FAT3: variants seen among roughly 807,000 people sequenced by gnomAD.
FAT3 encodes the protein FAT atypical cadherin 3.
Under a neutral mutation model 310.2 loss-of-function variants are expected in FAT3, and 95 were observed. That is an observed-to-expected ratio of 0.31 (90% confidence interval 0.26 to 0.36). FAT3 has a LOEUF of 0.36. Among genes scored for constraint, FAT3 ranks in the 10% least tolerant of loss-of-function variants. The probability of loss-of-function intolerance (pLI) is 1.00; values close to 1 mark genes in which losing one functional copy is unlikely to be tolerated. For missense variants in FAT3, 5,408 were observed against 5,715.6 expected (o/e 0.95, Z 1.74); for synonymous variants, 2,314 against 2,192.9 (o/e 1.06, Z -1.54).
intron 3 of FAT3, among the ~76,000 whole-genome samples, chr11:92,624,045 T>C (rs780015159): frequency 1.3e-5 from 2 of 152,172 alleles, no homozygotes; most frequent in African/African-American, 2.4e-5. Context: ...AATGGATACA[T>C]AGACAAACAA....
intron 1 of FAT3, among the ~76,000 whole-genome samples, chr11:92,228,291 T>C (rs893335362): frequency 1.3e-5 from 2 of 152,214 alleles, no homozygotes; most frequent in African/African-American, 4.8e-5. Context: ...TTATTTATTC[T>C]GGTCTCTGGC....
At chr11:92,662,075 TACCAG>T (rs1489394491) in intron 3 of FAT3, among the ~76,000 whole-genome samples, 1 of 152,208 alleles carries the variant, frequency 6.6e-6, no homozygotes, top group African/African-American at 2.4e-5. Flanking sequence ...GAGATTAACA[TACCAG>T]ACCAGACCAG....
chr11:92,285,933 G>T (rs939728428), intron 1 of FAT3, among the ~76,000 whole-genome samples: 1 of 152,044 alleles, frequency 6.6e-6, no homozygotes, highest in African/African-American at 2.4e-5. Context: ...AGGACGTGGG[G>T]TGTGGCCAGA....
intron 2 of FAT3, among the ~76,000 whole-genome samples, chr11:92,393,754 A>G (rs1180046433): frequency 6.6e-6 from 1 of 152,194 alleles, no homozygotes; most frequent in Admixed American, 6.5e-5. Context: ...CTCGTTAGTG[A>G]GAAGAATCAT....
chr11:92,894,039 C>T lies in FAT3; in HGVS notation c.*2926C>T, dbSNP rs1949971221. On this transcript the variant is annotated 3_prime_UTR_variant, in exon 28 of 28. Coordinates refer to ENST00000525166, the MANE Select transcript of FAT3 (RefSeq NM_001367949.2). ...TTCTTTTTACATCATATTGTTCACC[C>T]CTACACTGCCTTGAGCATGGGAGTC... 6.6e-6 allele frequency: 1 copy of T among 152,172 alleles called. No individual in the cohort carries two copies. Among genetic ancestry groups the T allele is most frequent in the Non-Finnish European group, 1.5e-5 (1 of 68,038 alleles). The allele number at this position is 152,172 out of a possible 1,614,324, so 9.4% of individuals were successfully genotyped here.
At chr11:92,707,991 G>C (rs1944408147) in intron 4 of FAT3, among the ~76,000 whole-genome samples, 1 of 152,216 alleles carries the variant, frequency 6.6e-6, no homozygotes, top group African/African-American at 2.4e-5. Flanking sequence ...CAAATGAGCT[G>C]TTGTTTCAAG....
At chr11:92,484,541 CT>C (rs1322065834) in intron 2 of FAT3, among the ~76,000 whole-genome samples, 12 of 152,114 alleles carry the variant, frequency 7.9e-5, no homozygotes, top group African/African-American at 2.9e-4. Flanking sequence ...GGAATATAGC[CT>C]TCATTAGGCC....
rs565093422 is a variant in FAT3, at chr11:92,241,919, A to T, written c.-18+16745A>T. ...TGGAGTTATTTTTACACACCTGTAG[A>T]TACAAAGCTGTCAAGACACTGAGTC... On this transcript the variant is annotated intron_variant, in intron 1 of 27. Coordinates refer to ENST00000525166, the MANE Select transcript of FAT3 (RefSeq NM_001367949.2). Among the ~76,000 whole-genome samples, 10 of 152,192 alleles carry T rather than the reference A, an allele frequency of 6.6e-5. No individual in the cohort carries two copies. The East Asian group carries it at 9.7e-4, about 15-fold the overall frequency.
chr11:92,626,627 A>G (rs1699296342), intron 3 of FAT3, among the ~76,000 whole-genome samples: 1 of 152,140 alleles, frequency 6.6e-6, no homozygotes, highest in African/African-American at 2.4e-5. Flanking sequence ...TCCAGAATGA[A>G]CTGGGGGAGT....
intron 4 of FAT3, among the ~76,000 whole-genome samples, chr11:92,705,295 A>ATGGTGG (rs1453650012): frequency 6.7e-6 from 1 of 150,176 alleles, no homozygotes; most frequent in African/African-American, 2.5e-5. Context: ...AGGAGTGGTG[A>ATGGTGG]TGGTGGTGGT....
At chr11:92,749,024 C>T (rs927989379) in intron 4 of FAT3, 2 of 152,172 alleles carry the variant, frequency 1.3e-5, no homozygotes, top group Non-Finnish European at 2.9e-5. Flanking sequence ...ACCTTTATAA[C>T]AGCTCCTGAG....
In FAT3 at chr11:92,840,775, C is replaced by CT; in HGVS notation, c.10566+17dup. On this transcript the variant is annotated intron_variant, in intron 18 of 27. Coordinates refer to ENST00000525166, the MANE Select transcript of FAT3 (RefSeq NM_001367949.2). Reference sequence around the variant, plus strand: ...GTGTGTCCAGGTATGGCATCGCACTCTGTCTCCGTCGTGCTGTCTTTCTTT... The same window carrying CT: ...GTGTGTCCAGGTATGGCATCGCACTCTTGTCTCCGTCGTGCTGTCTTTCTTT... 1 of 1,532,920 alleles carries CT rather than the reference C, an allele frequency of 6.5e-7. No individual in the cohort carries two copies. The highest frequency in any genetic ancestry group is 8.9e-7 in the Non-Finnish European group (1 of 1,126,776). The allele number at this position is 1,532,920 out of a possible 1,614,324, so 95.0% of individuals were successfully genotyped here. A position where few individuals can be genotyped will look rare whatever the true frequency, so the allele number is the denominator to read the frequency against.
At position 92,800,486 on chromosome 11, in the gene FAT3, G is replaced by T. The variant is rs1947307660; in HGVS notation, c.7473G>T (p.Leu2491Phe). Residue 2491 changes from leucine to phenylalanine, a missense_variant, in exon 10 of 28, where the codon TTG becomes TTT. Leu to Phe is a conservative substitution (Grantham distance 22). This residue lies in a region of FAT3 where 4,588 missense variants were observed against 4,809.8 expected (regional missense o/e 0.95). Coordinates refer to ENST00000525166, the MANE Select transcript of FAT3 (RefSeq NM_001367949.2). ...QVHIRVLGANLYSPAFSQSTY... is the reference protein window; with the variant it reads ...QVHIRVLGANFYSPAFSQSTY... ...ATATTAGGGTACTTGGGGCTAACTT[G>T]TACAGCCCTGCCTTTTCACAAAGCA... The T allele has an allele frequency of 4.3e-6, 7 of 1,613,966 alleles. No individual in the cohort carries two copies. The highest frequency in any genetic ancestry group is 5.1e-6 in the Non-Finnish European group (6 of 1,179,872).
At chr11:92,737,943 T>C (rs1945400565) in intron 4 of FAT3, among the ~76,000 whole-genome samples, 1 of 152,040 alleles carries the variant, frequency 6.6e-6, no homozygotes. Context: ...CAGAAACAAA[T>C]ACAGCTACCG....
rs559857818 is a variant in FAT3, at chr11:92,437,387, A to G, written c.3292+81983A>G. ...CAGCAGAAGAGCCGAATTCAAATCC[A>G]TCTCTCCTTATTCGCTGCATGACCT... On this transcript the variant is annotated intron_variant, in intron 2 of 27. Transcript: ENST00000525166. Among the ~76,000 whole-genome samples, 14 of 152,244 alleles carry G rather than the reference A, an allele frequency of 9.2e-5. No homozygotes were observed. The East Asian group carries it at 1.5e-3, about 17-fold the overall frequency.
chr11:92,742,356 A>G (rs898986832), intron 4 of FAT3, among the ~76,000 whole-genome samples: 2 of 152,188 alleles, frequency 1.3e-5, no homozygotes, highest in African/African-American at 4.8e-5. Flanking sequence ...TGCAGTGGGA[A>G]CCCCAATCAA....
chr11:92,408,989 T>A (rs1316039379), intron 2 of FAT3, among the ~76,000 whole-genome samples: 1 of 152,210 alleles, frequency 6.6e-6, no homozygotes, highest in African/African-American at 2.4e-5. Context: ...TTAAATATTT[T>A]TCTTTAATAA....
intron 2 of FAT3, among the ~76,000 whole-genome samples, chr11:92,451,690 C>T (rs1591308547): frequency 1.3e-5 from 2 of 152,042 alleles, no homozygotes; most frequent in African/African-American, 4.8e-5. Context: ...TTGGTAGCTC[C>T]TATCATGTGA....
chr11:92,415,383 C>T (rs930817185), intron 2 of FAT3, among the ~76,000 whole-genome samples: 5 of 152,124 alleles, frequency 3.3e-5, no homozygotes, highest in Non-Finnish European at 5.9e-5. Context: ...GTGTTCTTGG[C>T]ATGTCTGAAT....
Sources: allele counts gnomAD v4.1 joint callset (sites outside exome capture counted in the v4.1 genomes callset), GRCh38; gene constraint gnomAD v4.1.1; regional missense constraint gnomAD v4.1.1; transcripts MANE v1.5; gene names NCBI Gene and HGNC (gene_info 2026-07-23, HGNC 2026-07-21).